The following PPHLN1 variants were observed in gnomAD, a reference collection of about 807,000 sequenced individuals.
PPHLN1 encodes the protein periphilin 1.
PPHLN1 carries 29 observed loss-of-function variants against 51.3 expected under a neutral mutation model. That is an observed-to-expected ratio of 0.57 (90% CI 0.42 to 0.77). PPHLN1 has a LOEUF of 0.77. Ranked by LOEUF, PPHLN1 falls within the 30% of genes least tolerant of loss-of-function variation. The probability of loss-of-function intolerance (pLI) is 0.00; values close to 1 mark genes in which losing one functional copy is unlikely to be tolerated. For missense variants in PPHLN1, 436 were observed against 438.4 expected (o/e 0.99, Z 0.05); for synonymous variants, 147 against 147.8 (o/e 0.99, Z 0.04).
At chr12:42,402,628 G>C (rs2078941264) in intron 9 of PPHLN1, among the ~76,000 whole-genome samples, 1 of 151,878 alleles carries the variant, frequency 6.6e-6, no homozygotes, top group African/African-American at 2.4e-5. Flanking sequence ...TCTGTACACA[G>C]TTGTGTGTAG....
At chr12:42,428,147 C>G (rs569963581) in intron 9 of PPHLN1, among the ~76,000 whole-genome samples, 1 of 152,286 alleles carries the variant, frequency 6.6e-6, no homozygotes, top group Admixed American at 6.5e-5. Context: ...GGGAACACTT[C>G]TACACTGCAG....
downstream of PPHLN1, chr12:42,444,993 G>T (rs2083227847): frequency 1.4e-6 from 1 of 696,152 alleles, no homozygotes; most frequent in Non-Finnish European, 2.6e-6. Context: ...AACTTTTTCT[G>T]TTCAGCCCAT....
chr12:42,362,231 G>A (rs2074775137), intron 4 of PPHLN1, among the ~76,000 whole-genome samples: 1 of 151,762 alleles, frequency 6.6e-6, no homozygotes. Flanking sequence ...TTTTTTAACT[G>A]GGTTTTTTGT....
intron 2 of PPHLN1, among the ~76,000 whole-genome samples, chr12:42,344,100 G>A (rs2071905737): frequency 6.6e-6 from 1 of 152,104 alleles, no homozygotes; most frequent in South Asian, 2.1e-4. Flanking sequence ...AATTGAGATA[G>A]CAGGGTATAA....
chr12:42,406,333 G>C (rs1476833385), intron 9 of PPHLN1, among the ~76,000 whole-genome samples: 1 of 152,180 alleles, frequency 6.6e-6, no homozygotes, highest in Non-Finnish European at 1.5e-5. Flanking sequence ...GCCTGCCTCA[G>C]CCTCCCAAAG....
intron 9 of PPHLN1, chr12:42,399,512 A>T: frequency 1.3e-6 from 1 of 766,408 alleles, no homozygotes; most frequent in Non-Finnish European, 1.6e-6. Flanking sequence ...TGAGGATTAA[A>T]TGAAGTAAAT....
chr12:42,407,131 CTACCTTGTTTTTCTTTT>C (rs918824162), intron 9 of PPHLN1, among the ~76,000 whole-genome samples: 4 of 152,102 alleles, frequency 2.6e-5, no homozygotes, highest in African/African-American at 4.8e-5. Context: ...GGTAGTCTTC[CTACCTTGTTTTTCTTTT>C]TTAAGAGTGT....
At chr12:42,439,045 T>G (rs1303529833) in intron 9 of PPHLN1, among the ~76,000 whole-genome samples, 3 of 152,242 alleles carry the variant, frequency 2.0e-5, no homozygotes, top group South Asian at 4.1e-4. Context: ...TTTTTAAATT[T>G]TAATGAAATC....
chr12:42,443,103 G>A, downstream of PPHLN1: 1 of 168,202 alleles, frequency 5.9e-6, no homozygotes. Context: ...GCCTAAGAAG[G>A]GAAAGGAGGA....
chr12:42,393,126 G>A (rs1355220936), intron 7 of PPHLN1, among the ~76,000 whole-genome samples: 2 of 152,166 alleles, frequency 1.3e-5, no homozygotes, highest in Non-Finnish European at 2.9e-5. Context: ...TAGGATTTAT[G>A]TAACTCACTG....
At chr12:42,365,064 C>A (rs1318833779) in intron 4 of PPHLN1, among the ~76,000 whole-genome samples, 1 of 152,166 alleles carries the variant, frequency 6.6e-6, no homozygotes, top group East Asian at 1.9e-4. Context: ...CACCAAACTT[C>A]TAATCTGAAC....
intron 5 of PPHLN1, among the ~76,000 whole-genome samples, chr12:42,378,534 A>G (rs1827628961): frequency 6.6e-6 from 1 of 152,126 alleles, no homozygotes; most frequent in South Asian, 2.1e-4. Context: ...AAATTTTGAA[A>G]AAGACGTAAA....
chr12:42,437,441 G>C (rs1353785918), intron 9 of PPHLN1, among the ~76,000 whole-genome samples: 1 of 152,102 alleles, frequency 6.6e-6, no homozygotes, highest in Non-Finnish European at 1.5e-5. Flanking sequence ...GTCAGCTGTA[G>C]GTACTGAAAC....
At chr12:42,404,486 G>A (rs571543919) in intron 9 of PPHLN1, among the ~76,000 whole-genome samples, 12 of 151,608 alleles carry the variant, frequency 7.9e-5, no homozygotes, top group African/African-American at 2.4e-4. Flanking sequence ...CCGAGATTGC[G>A]CCCTTGCACT....
chr12:42,326,243 A>C lies in PPHLN1; in HGVS notation c.-21+14A>C, dbSNP rs1393828469. On this transcript the variant is annotated intron_variant, in intron 1 of 9. Coordinates refer to ENST00000358314, the MANE Select transcript of PPHLN1 (RefSeq NM_201439.2). ...GGGCCAGAGTCGGTGAGCGCTTTTT[A>C]CCTTTCCCAGAGATGGATGCAGAGC... 6.6e-6 allele frequency: 1 copy of C among 151,220 alleles called. No individual in the cohort carries two copies. Among genetic ancestry groups the C allele is most frequent in the Non-Finnish European group, 1.5e-5 (1 of 67,854 alleles). 9.4% of individuals were successfully genotyped at this position (151,220 alleles called of 1,614,324 possible). A position where few individuals can be genotyped will look rare whatever the true frequency, so the allele number is the denominator to read the frequency against.
chr12:42,378,132 CTTT>C (rs2076454713), intron 5 of PPHLN1, among the ~76,000 whole-genome samples: 1 of 144,152 alleles, frequency 6.9e-6, no homozygotes, highest in Non-Finnish European at 1.5e-5. Flanking sequence ...TTCTTTCTTT[CTTT>C]CTTTCTTTCT....
intron 8 of PPHLN1, among the ~76,000 whole-genome samples, chr12:42,396,648 A>AAAAAAAAAAG (rs2078238824): frequency 8.3e-6 from 1 of 119,842 alleles, no homozygotes; most frequent in African/African-American, 3.4e-5. Context: ...AAAAAAAAAA[A>AAAAAAAAAAG]GCTGGGTGTG....
At chr12:42,437,303 A>G (rs1348486800) in intron 9 of PPHLN1, among the ~76,000 whole-genome samples, 1 of 152,134 alleles carries the variant, frequency 6.6e-6, no homozygotes, top group East Asian at 1.9e-4. Context: ...TTCTATAGAC[A>G]AAGTCAGAAC....
intron 2 of PPHLN1, among the ~76,000 whole-genome samples, chr12:42,340,858 C>A (rs999356676): frequency 6.6e-6 from 1 of 152,024 alleles, no homozygotes; most frequent in African/African-American, 2.4e-5. Context: ...AAGTTGATAA[C>A]CCACTATCGT....
Sources: gnomAD v4.1 joint callset for allele counts (sites outside exome capture counted in the v4.1 genomes callset) on GRCh38, gnomAD v4.1.1 for gene constraint, MANE v1.5 for transcripts, NCBI Gene and HGNC (gene_info 2026-07-23, HGNC 2026-07-21) for gene names.